The following CPE variants were observed in gnomAD, a reference collection of about 807,000 sequenced individuals.
CPE encodes the protein carboxypeptidase E, also known as carbocypeptidase E.
A neutral mutation model predicts 53.5 loss-of-function variants in CPE; 17 were observed. That is an observed-to-expected ratio of 0.32 (90% CI 0.22 to 0.48). The LOEUF (loss-of-function observed/expected upper bound fraction) is 0.48. Ranked by LOEUF, CPE falls within the 20% of genes least tolerant of loss-of-function variation. CPE has a pLI of 0.99. For synonymous variants in CPE, 226 were observed against 228.8 expected (o/e 0.99, Z 0.11); for missense variants, 524 against 614.7 (o/e 0.85, Z 1.56).
At chr4:165,435,729 G>A (rs1000744765) in intron 1 of CPE, among the ~76,000 whole-genome samples, 2 of 152,040 alleles carry the variant, frequency 1.3e-5, no homozygotes, top group African/African-American at 4.8e-5. Context: ...TTTACTTTAT[G>A]TTTCTTGTAC....
chr4:165,414,712 TAC>T (rs202021006), intron 1 of CPE, among the ~76,000 whole-genome samples: 3,100 of 150,160 alleles, frequency 0.021, 108 homozygotes, highest in African/African-American at 0.07. Context: ...CACACACACA[TAC>T]ACACACACAC....
chr4:165,414,767 TA>T (rs1382531098), intron 1 of CPE, among the ~76,000 whole-genome samples: 1 of 151,982 alleles, frequency 6.6e-6, no homozygotes, highest in African/African-American at 2.4e-5. Context: ...ACAGTGTATA[TA>T]AAAAATAATT....
intron 7 of CPE, 65 bp downstream of exon 7, chr4:165,493,335 A>T: frequency 8.8e-7 from 1 of 1,135,674 alleles, no homozygotes; most frequent in South Asian, 1.3e-5. Flanking sequence ...AATTATCATA[A>T]TTATAAGTCT....
chr4:165,464,709 G>A lies in CPE; in HGVS notation c.504+123G>A, dbSNP rs73860786. On this transcript the variant is annotated intron_variant, in intron 2 of 8. Transcript: ENST00000402744. ...ACAGATGGTGCAGTGGAGGGCATAA[G>A]TGATGCATTCATTATTCAACTCACC... is the stretch of plus-strand genomic sequence containing the variant. The A allele has an allele frequency of 3.9e-3, 2,816 of 722,488 alleles. 36 individuals carry two copies. The highest frequency in any genetic ancestry group is 0.037 in the African/African-American group (2,039 of 55,180). 44.8% of individuals were successfully genotyped at this position (722,488 alleles called of 1,614,324 possible).
At chr4:165,469,170 T>C (rs1229131452) in intron 3 of CPE, among the ~76,000 whole-genome samples, 1 of 152,174 alleles carries the variant, frequency 6.6e-6, no homozygotes, top group Non-Finnish European at 1.5e-5. Context: ...CACTAAACAT[T>C]TGGTGCATCT....
chr4:165,495,963 C>A (rs1296418600), intron 8 of CPE, among the ~76,000 whole-genome samples: 1 of 152,018 alleles, frequency 6.6e-6, no homozygotes, highest in African/African-American at 2.4e-5. Flanking sequence ...GATTATGTTT[C>A]ATTTGCCTTT....
chr4:165,458,506 T>C (rs556633083), intron 1 of CPE, among the ~76,000 whole-genome samples: 4 of 152,306 alleles, frequency 2.6e-5, no homozygotes, highest in East Asian at 1.9e-4. Context: ...CCAGAGTAAG[T>C]TTCTTGTCTA....
intron 1 of CPE, among the ~76,000 whole-genome samples, chr4:165,397,744 T>G (rs1207360949): frequency 6.6e-6 from 1 of 152,124 alleles, no homozygotes; most frequent in African/African-American, 2.4e-5. Flanking sequence ...GGAGCTGTAT[T>G]AAAAACAAGC....
chr4:165,412,089 A>G (rs1731051033), intron 1 of CPE, among the ~76,000 whole-genome samples: 1 of 152,190 alleles, frequency 6.6e-6, no homozygotes, highest in Non-Finnish European at 1.5e-5. Context: ...GATTTTTAGA[A>G]GGCATTTGGG....
At chr4:165,404,942 A>C (rs1299428502) in intron 1 of CPE, 2 of 759,082 alleles carry the variant, frequency 2.6e-6, no homozygotes, top group Admixed American at 3.4e-5. Flanking sequence ...GTTACTAGCA[A>C]AGACGTAGTG....
At chr4:165,497,449 T>G (rs1732720990) in intron 8 of CPE, 63 bp from the exon 9 acceptor site, 18 of 941,594 alleles carry the variant, frequency 1.9e-5, no homozygotes, top group Non-Finnish European at 2.7e-5. Flanking sequence ...TCTTATTTTT[T>G]TATTTCAATT....
chr4:165,440,099 A>G (rs1342035872), intron 1 of CPE, among the ~76,000 whole-genome samples: 1 of 152,142 alleles, frequency 6.6e-6, no homozygotes, highest in East Asian at 1.9e-4. Context: ...TTTTCCTACT[A>G]TAAACATTGT....
intron 1 of CPE, among the ~76,000 whole-genome samples, chr4:165,445,595 A>C (rs1444366854): frequency 6.6e-6 from 1 of 152,164 alleles, no homozygotes; most frequent in Admixed American, 6.5e-5. Flanking sequence ...AGATTTAACA[A>C]AAAAGGTGCA....
intron 1 of CPE, among the ~76,000 whole-genome samples, chr4:165,400,621 G>A (rs538258451): frequency 1.3e-5 from 2 of 152,134 alleles, no homozygotes; most frequent in African/African-American, 2.4e-5. Flanking sequence ...CAAACAAATG[G>A]ATAAGGAGTA....
chr4:165,429,484 C>T (rs904597544), intron 1 of CPE, among the ~76,000 whole-genome samples: 17 of 152,244 alleles, frequency 1.1e-4, no homozygotes, highest in Middle Eastern at 6.8e-3. Flanking sequence ...GAGTAGATTG[C>T]TTGAGCCCAG....
intron 1 of CPE, among the ~76,000 whole-genome samples, chr4:165,389,593 T>C (rs1730648443): frequency 6.6e-6 from 1 of 152,248 alleles, no homozygotes; most frequent in Non-Finnish European, 1.5e-5. Context: ...GCTGGAGTTG[T>C]CTTCCTCCCT....
chr4:165,417,333 C>T (rs911891422), intron 1 of CPE, among the ~76,000 whole-genome samples: 41 of 152,060 alleles, frequency 2.7e-4, no homozygotes, highest in African/African-American at 8.9e-4. Flanking sequence ...TATTGAATTG[C>T]CTTTGACTTG....
chr4:165,448,745 C>A (rs751800219), intron 1 of CPE, among the ~76,000 whole-genome samples: 4 of 152,182 alleles, frequency 2.6e-5, no homozygotes, highest in Non-Finnish European at 4.4e-5. Context: ...CATTTTTGAT[C>A]GTCAGTCCAC....
At chr4:165,383,437 G>A (rs188976741) in intron 1 of CPE, among the ~76,000 whole-genome samples, 16 of 152,216 alleles carry the variant, frequency 1.1e-4, no homozygotes, top group Admixed American at 1.0e-3. Flanking sequence ...TGTGTTCCCA[G>A]ACCACTCGAC....
Sources: gnomAD v4.1 joint callset for allele counts (sites outside exome capture counted in the v4.1 genomes callset) on GRCh38, gnomAD v4.1.1 for gene constraint, MANE v1.5 for transcripts, NCBI Gene and HGNC (gene_info 2026-07-23, HGNC 2026-07-21) for gene names.